The following CNOT4 variants were observed in gnomAD, a reference collection of about 807,000 sequenced individuals.
CNOT4 encodes CCR4-associated factor 4.
Under a neutral mutation model 73.8 loss-of-function variants are expected in CNOT4, and 8 were observed. That is an observed-to-expected ratio of 0.11 (90% CI 0.06 to 0.20). The LOEUF (loss-of-function observed/expected upper bound fraction) is 0.20, where lower values mean the gene tolerates loss of function less well. CNOT4 is among the 10% of genes least tolerant of loss of function. The pLI, the probability that CNOT4 is intolerant of heterozygous loss-of-function variation, is 1.00. For missense variants in CNOT4, 564 were observed against 883.4 expected (o/e 0.64, Z 4.58); for synonymous variants, 293 against 321.1 (o/e 0.91, Z 0.94).
chr7:135,441,890 T>C lies in CNOT4; in HGVS notation c.-92-3467A>G, dbSNP rs563439243. Among the ~76,000 whole-genome samples, 20 of 152,292 alleles carry C rather than the reference T, an allele frequency of 1.3e-4. 2 individuals are homozygous for C. In the South Asian group the frequency reaches 3.7e-3, roughly 28 times the overall value. Reference sequence around the variant, plus strand: ...ACAAAGGAGAAAGAAATCCTTTAGATAGTTAATACAAAAGTAAGTACATTT... The same window carrying C: ...ACAAAGGAGAAAGAAATCCTTTAGACAGTTAATACAAAAGTAAGTACATTT... On this transcript the variant is annotated intron_variant, in intron 1 of 11. Coordinates refer to ENST00000541284, the MANE Select transcript of CNOT4 (RefSeq NM_001190850.2).
In CNOT4 at chr7:135,413,613, C is replaced by T. The variant is rs1276840523; in HGVS notation, c.562G>A (p.Ala188Thr). The T allele has an allele frequency of 6.2e-7, 1 of 1,608,424 alleles. No individual in the cohort carries two copies. The highest frequency in any genetic ancestry group is 8.5e-7 in the Non-Finnish European group (1 of 1,176,850). ...CAGTATTTTGTTGTACCTAGAGATG[C>T]CTGCAGGAGGAAGAGGGGTAAAGGA... ...NVVVDGRTLKASLGTTKYCSY... is the reference protein window; with the variant it reads ...NVVVDGRTLKTSLGTTKYCSY... Residue 188 changes from alanine (A) to threonine (T), a missense_variant and splice_region_variant, in exon 6 of 12, where the codon GCA (alanine) becomes ACA (threonine). Around this residue, in one of 10 missense-constraint regions of CNOT4, gnomAD observed 14 missense variants for 69.5 expected, o/e 0.20. Coordinates refer to ENST00000541284, the MANE Select transcript of CNOT4 (RefSeq NM_001190850.2).
At chr7:135,374,823 A>T (rs747655180) in intron 10 of CNOT4, among the ~76,000 whole-genome samples, 4 of 152,240 alleles carry the variant, frequency 2.6e-5, no homozygotes, top group Non-Finnish European at 5.9e-5. Context: ...ATTTTTAAAA[A>T]TGCATTTGGA....
At chr7:135,388,546 ATGAG>A (rs1796239638) in intron 10 of CNOT4, 1 of 1,075,692 alleles carries the variant, frequency 9.3e-7, no homozygotes, top group South Asian at 4.3e-5. Context: ...GTTTATTTTT[ATGAG>A]TTAGAAATAG....
chr7:135,465,472 A>C (rs768245990), intron 1 of CNOT4, among the ~76,000 whole-genome samples: 37 of 152,350 alleles, frequency 2.4e-4, no homozygotes, highest in Non-Finnish European at 4.9e-4. Context: ...CTTGATGATA[A>C]ACTATGCTAC....
chr7:135,506,849 A>C (rs1016516465), intron 1 of CNOT4, among the ~76,000 whole-genome samples: 1 of 152,064 alleles, frequency 6.6e-6, no homozygotes, highest in African/African-American at 2.4e-5. Context: ...CTGTCTCAAA[A>C]AAAAAAAGAA....
chr7:135,411,416 A>C (rs1797585448), intron 6 of CNOT4, among the ~76,000 whole-genome samples: 1 of 152,010 alleles, frequency 6.6e-6, no homozygotes, highest in Admixed American at 6.6e-5. Flanking sequence ...CTACATACAT[A>C]GCTCAGAAAC....
chr7:135,370,916 A>G (rs1432178660), intron 10 of CNOT4, among the ~76,000 whole-genome samples: 1 of 152,216 alleles, frequency 6.6e-6, no homozygotes, highest in Non-Finnish European at 1.5e-5. Flanking sequence ...AACACAAGCA[A>G]ATATACTTTT....
chr7:135,375,615 G>A (rs1413293969), intron 10 of CNOT4, among the ~76,000 whole-genome samples: 5 of 152,140 alleles, frequency 3.3e-5, no homozygotes, highest in Admixed American at 1.3e-4. Context: ...AGAAAAATGT[G>A]TTAGTTTTTT....
At chr7:135,421,597 G>A (rs898187082) in intron 3 of CNOT4, among the ~76,000 whole-genome samples, 3 of 152,114 alleles carry the variant, frequency 2.0e-5, no homozygotes, top group Admixed American at 1.3e-4. Context: ...CTCCTCCCCC[G>A]AATGAATGAC....
intron 3 of CNOT4, among the ~76,000 whole-genome samples, chr7:135,419,662 T>C (rs1446773475): frequency 6.6e-6 from 1 of 152,196 alleles, no homozygotes; most frequent in Non-Finnish European, 1.5e-5. Flanking sequence ...GTACTCTCTT[T>C]CAGTAGTCAC....
chr7:135,465,264 T>C (rs1363735897), intron 1 of CNOT4, among the ~76,000 whole-genome samples: 2 of 152,192 alleles, frequency 1.3e-5, no homozygotes, highest in East Asian at 3.8e-4. Flanking sequence ...TCTATTACTG[T>C]TAGATTGGAT....
intron 1 of CNOT4, among the ~76,000 whole-genome samples, chr7:135,457,622 T>C (rs1209187899): frequency 6.6e-6 from 1 of 152,122 alleles, no homozygotes; most frequent in Non-Finnish European, 1.5e-5. Context: ...GTTTCCACGC[T>C]TCTAATACTA....
In CNOT4 at chr7:135,388,036, C is replaced by T. The variant is rs1156708977; in HGVS notation, c.1627+5882G>A. 20 of 985,140 alleles carry T rather than the reference C, an allele frequency of 2.0e-5. No individual in the cohort carries two copies. The East Asian group carries it at 7.9e-4, about 39-fold the overall frequency. The allele number at this position is 985,140 out of a possible 1,614,324, so 61.0% of individuals were successfully genotyped here. ...TGCTTTTCACATACAATGTTTACTCCGTATTCAAGTTTCAGATAAGTCAAC... is the reference window on the plus strand; with the variant it reads ...TGCTTTTCACATACAATGTTTACTCTGTATTCAAGTTTCAGATAAGTCAAC... On this transcript the variant is annotated intron_variant, in intron 10 of 11. Coordinates refer to ENST00000541284, the MANE Select transcript of CNOT4 (RefSeq NM_001190850.2).
chr7:135,502,558 T>C (rs1356078749), intron 1 of CNOT4, among the ~76,000 whole-genome samples: 2 of 152,224 alleles, frequency 1.3e-5, no homozygotes, highest in Non-Finnish European at 2.9e-5. Flanking sequence ...CTCAGGCCTG[T>C]AATCCCAACA....
chr7:135,377,760 C>G (rs931372596), intron 10 of CNOT4, among the ~76,000 whole-genome samples: 2 of 152,066 alleles, frequency 1.3e-5, no homozygotes, highest in Non-Finnish European at 1.5e-5. Flanking sequence ...AAGTGTTCAT[C>G]CTTAGCAATA....
intron 10 of CNOT4, among the ~76,000 whole-genome samples, chr7:135,373,291 T>C (rs781168796): frequency 2.6e-5 from 4 of 152,222 alleles, no homozygotes; most frequent in Non-Finnish European, 5.9e-5. Flanking sequence ...GGCAGGGCAA[T>C]GTAGTTCCAT....
chr7:135,452,065 T>A (rs376050191), intron 1 of CNOT4, among the ~76,000 whole-genome samples: 63 of 151,308 alleles, frequency 4.2e-4, no homozygotes, highest in African/African-American at 1.5e-3. Flanking sequence ...CTGGGCAACA[T>A]AGCGAGACCC....
chr7:135,397,363 T>C (rs1362710206), intron 8 of CNOT4, among the ~76,000 whole-genome samples: 1 of 152,136 alleles, frequency 6.6e-6, no homozygotes, highest in Admixed American at 6.5e-5. Flanking sequence ...ATTACATCCT[T>C]TGCAACTACT....
chr7:135,459,442 T>C (rs1800740473), intron 1 of CNOT4, among the ~76,000 whole-genome samples: 1 of 152,222 alleles, frequency 6.6e-6, no homozygotes, highest in African/African-American at 2.4e-5. Context: ...TTCAAATCTT[T>C]TTCTCTTATA....
Sources: allele counts gnomAD v4.1 joint callset (sites outside exome capture counted in the v4.1 genomes callset), GRCh38; gene constraint gnomAD v4.1.1; regional missense constraint gnomAD v4.1.1; transcripts MANE v1.5; gene names NCBI Gene and HGNC (gene_info 2026-07-23, HGNC 2026-07-21).